The following CELF4 variants were observed in gnomAD, a reference collection of about 807,000 sequenced individuals.
CELF4 encodes the protein CUGBP Elav-like family member 4.
A neutral mutation model predicts 59.9 loss-of-function variants in CELF4; 18 were observed. The ratio of observed to expected loss-of-function variants is 0.30; its 90% CI spans 0.21 to 0.45. The LOEUF is 0.45. CELF4 is among the 20% of genes least tolerant of loss of function. The pLI, the probability that CELF4 is intolerant of heterozygous loss-of-function variation, is 1.00. For synonymous variants in CELF4, 261 were observed against 267.1 expected (o/e 0.98, Z 0.22); for missense variants, 456 against 689.0 (o/e 0.66, Z 3.79).
At chr18:37,266,499 G>A (rs764301257) in intron 9 of CELF4, 34 bp downstream of exon 9, 5 of 1,565,376 alleles carry the variant, frequency 3.2e-6, no homozygotes, top group South Asian at 1.2e-5. Context: ...AAACGGAGTT[G>A]GGGAAGGAGC....
intron 1 of CELF4, among the ~76,000 whole-genome samples, chr18:37,538,474 G>T (rs1569569801): frequency 6.6e-6 from 1 of 152,124 alleles, no homozygotes; most frequent in African/African-American, 2.4e-5. Context: ...CTCCTTCAGG[G>T]CAGAGGCTCC....
intron 2 of CELF4, among the ~76,000 whole-genome samples, chr18:37,410,014 C>T (rs1278731528): frequency 6.6e-6 from 1 of 152,146 alleles, no homozygotes; most frequent in Non-Finnish European, 1.5e-5. Flanking sequence ...ATGAGAAAGG[C>T]CAATGAGAAT....
At chr18:37,346,839 G>T (rs1024742748) in intron 2 of CELF4, among the ~76,000 whole-genome samples, 2 of 152,110 alleles carry the variant, frequency 1.3e-5, no homozygotes, top group East Asian at 3.9e-4. Flanking sequence ...GCTACCGCTG[G>T]GATGAGGAAG....
intron 1 of CELF4, among the ~76,000 whole-genome samples, chr18:37,539,993 A>G (rs1197680235): frequency 6.6e-6 from 1 of 152,170 alleles, no homozygotes; most frequent in Non-Finnish European, 1.5e-5. Flanking sequence ...ATAACAGTGC[A>G]TATGCATTGA....
At chr18:37,393,229 C>T (rs1206128696) in intron 2 of CELF4, among the ~76,000 whole-genome samples, 1 of 152,166 alleles carries the variant, frequency 6.6e-6, no homozygotes, top group African/African-American at 2.4e-5. Context: ...TCAAGGGGTG[C>T]CCAGCTTGGC....
At chr18:37,475,220 A>G (rs886678740) in intron 2 of CELF4, among the ~76,000 whole-genome samples, 1 of 152,224 alleles carries the variant, frequency 6.6e-6, no homozygotes, top group Non-Finnish European at 1.5e-5. Flanking sequence ...ATGCTTGTCT[A>G]CAGTCTGCTT....
intron 2 of CELF4, among the ~76,000 whole-genome samples, chr18:37,369,871 T>C (rs750860703): frequency 6.6e-6 from 1 of 152,214 alleles, no homozygotes; most frequent in African/African-American, 2.4e-5. Context: ...GCCCAGGAAA[T>C]GTGCCCATGC....
chr18:37,545,870 G>A (rs2099981245), intron 1 of CELF4, among the ~76,000 whole-genome samples: 1 of 152,150 alleles, frequency 6.6e-6, no homozygotes, highest in South Asian at 2.1e-4. Flanking sequence ...GGAATCTGTG[G>A]GCAGAATGTG....
intron 2 of CELF4, among the ~76,000 whole-genome samples, chr18:37,463,808 T>C (rs951414695): frequency 2.0e-5 from 3 of 151,872 alleles, no homozygotes; most frequent in African/African-American, 7.3e-5. Flanking sequence ...AACCTGGAGG[T>C]TTTTTTTCTT....
chr18:37,247,716 C>G (rs2062935248), intron 12 of CELF4, among the ~76,000 whole-genome samples: 1 of 151,950 alleles, frequency 6.6e-6, no homozygotes, highest in African/African-American at 2.4e-5. Context: ...TGAACAGAAG[C>G]AGAACCTCAC....
At chr18:37,294,137 G>A (rs1472032860) in intron 3 of CELF4, among the ~76,000 whole-genome samples, 1 of 152,178 alleles carries the variant, frequency 6.6e-6, no homozygotes, top group Non-Finnish European at 1.5e-5. Flanking sequence ...GAGGGTGGGG[G>A]CAGGCTGGGG....
intron 2 of CELF4, among the ~76,000 whole-genome samples, chr18:37,395,440 G>A (rs1391624379): frequency 4.6e-5 from 7 of 152,138 alleles, no homozygotes; most frequent in Non-Finnish European, 7.3e-5. Flanking sequence ...CCGTTCCTGC[G>A]CCGCACACTT....
At chr18:37,266,443 TGGCCCCAGGCC>T in intron 9 of CELF4, 79 bp downstream of exon 9, 2 of 1,260,044 alleles carry the variant, frequency 1.6e-6, no homozygotes, top group South Asian at 2.6e-5. Flanking sequence ...CATGCAGTGC[TGGCCCCAGGCC>T]TGAGGGGGCA....
At chr18:37,532,425 T>G (rs2099970283) in intron 1 of CELF4, among the ~76,000 whole-genome samples, 1 of 152,126 alleles carries the variant, frequency 6.6e-6, no homozygotes, top group Non-Finnish European at 1.5e-5. Context: ...GAATAACAGA[T>G]GGAGGGATGG....
chr18:37,329,377 G>T (rs1378075476), intron 2 of CELF4, among the ~76,000 whole-genome samples: 1 of 152,236 alleles, frequency 6.6e-6, no homozygotes, highest in East Asian at 1.9e-4. Context: ...CCAGCTGAGG[G>T]TAGGCTCTGA....
At chr18:37,294,745 G>A (rs752072863) in intron 3 of CELF4, among the ~76,000 whole-genome samples, 101 of 152,274 alleles carry the variant, frequency 6.6e-4, no homozygotes, top group African/African-American at 2.3e-3. Context: ...TGGAATACCC[G>A]TTTCATTTGT....
chr18:37,257,891 G>A (rs372919010), intron 11 of CELF4, among the ~76,000 whole-genome samples: 3 of 152,246 alleles, frequency 2.0e-5, no homozygotes, highest in African/African-American at 7.2e-5. Context: ...GGAGGTCGGA[G>A]GGCAACAAGG....
In CELF4 at chr18:37,243,377, C is replaced by T. The variant is rs1368158822; in HGVS notation, c.*1865G>A. 6.6e-6 allele frequency: 1 copy of T among 152,078 alleles called. No homozygotes were observed. Among genetic ancestry groups the T allele is most frequent in the Non-Finnish European group, 1.5e-5 (1 of 68,014 alleles). 9.4% of individuals were successfully genotyped at this position (152,078 alleles called of 1,614,324 possible). A position where few individuals can be genotyped will look rare whatever the true frequency, so the allele number is the denominator to read the frequency against. On this transcript the variant is annotated 3_prime_UTR_variant, in exon 13 of 13. Coordinates refer to ENST00000420428, the MANE Select transcript of CELF4 (RefSeq NM_020180.4). Reference sequence around the variant, plus strand: ...TGAGAACCCCCGGCCTCCAGATGACCTGGACATCAATGAGAAGGAATCAAG... The same window carrying T: ...TGAGAACCCCCGGCCTCCAGATGACTTGGACATCAATGAGAAGGAATCAAG...
intron 2 of CELF4, among the ~76,000 whole-genome samples, chr18:37,352,103 C>T (rs1191771924): frequency 1.3e-5 from 2 of 152,336 alleles, no homozygotes; most frequent in South Asian, 4.1e-4. Context: ...CCAACATCCT[C>T]CTCCCTTCCA....
Sources: gnomAD v4.1 joint callset for allele counts (sites outside exome capture counted in the v4.1 genomes callset) on GRCh38, gnomAD v4.1.1 for gene constraint, MANE v1.5 for transcripts, NCBI Gene and HGNC (gene_info 2026-07-23, HGNC 2026-07-21) for gene names.